The following LGSN variants were observed in gnomAD, a reference collection of about 807,000 sequenced individuals.
LGSN encodes lengsin.
A neutral mutation model predicts 19.5 loss-of-function variants in LGSN; 21 were observed. The observed-to-expected ratio is 1.07, with a 90% confidence interval of 0.76 to 1.55. The LOEUF (loss-of-function observed/expected upper bound fraction) is 1.55. LGSN is among the 40% of genes most tolerant of loss of function. The pLI, the probability that LGSN is intolerant of heterozygous loss-of-function variation, is 0.00. For missense variants in LGSN, 673 were observed against 608.5 expected (o/e 1.11, Z -1.12); for synonymous variants, 257 against 215.6 (o/e 1.19, Z -1.68).
At chr6:63,379,511 T>C in the LGSN span, among the ~76,000 whole-genome samples, 69 of 152,276 alleles carry the variant, frequency 4.5e-4, no homozygotes, top group Admixed American at 2.6e-4. Flanking sequence ...GTTGATGTTG[T>C]TTCTTTCCTT....
At position 63,279,277 on chromosome 6, in the gene LGSN, T is replaced by A. The variant is rs1243705695; in HGVS notation, c.*744A>T. ...CACAAACATCTTTCTATCTATACTTTGTGTATTGAACTTCTATATGAGGCA... is the reference window on the plus strand; with the variant it reads ...CACAAACATCTTTCTATCTATACTTAGTGTATTGAACTTCTATATGAGGCA... On this transcript the variant is annotated 3_prime_UTR_variant, in exon 4 of 4. Coordinates refer to ENST00000370657, the MANE Select transcript of LGSN (RefSeq NM_016571.3). 2 of 152,344 alleles carry A rather than the reference T, an allele frequency of 1.3e-5. No individual in the cohort carries two copies. The highest frequency in any genetic ancestry group is 6.5e-5 in the Admixed American group (1 of 15,290). The allele number at this position is 152,344 out of a possible 1,614,324, so 9.4% of individuals were successfully genotyped here. A position where few individuals can be genotyped will look rare whatever the true frequency, so the allele number is the denominator to read the frequency against.
chr6:63,549,163 C>A, the LGSN span: 228 of 684,642 alleles, frequency 3.3e-4, 1 homozygote, highest in Middle Eastern at 3.9e-3. Flanking sequence ...TTGGCCAGGG[C>A]CAACAGCCTC....
chr6:63,386,707 A>G, the LGSN span, among the ~76,000 whole-genome samples: 1 of 152,228 alleles, frequency 6.6e-6, no homozygotes, highest in East Asian at 1.9e-4. Flanking sequence ...TCCCTGACTC[A>G]ATAAATATTT....
intron 1 of LGSN, among the ~76,000 whole-genome samples, chr6:63,315,247 C>G (rs1241019644): frequency 2.6e-5 from 4 of 152,194 alleles, no homozygotes; most frequent in African/African-American, 9.6e-5. Flanking sequence ...ACTCAGACTT[C>G]TCCTTTATAA....
the LGSN span, among the ~76,000 whole-genome samples, chr6:63,541,725 C>A: frequency 1.3e-5 from 2 of 152,048 alleles, no homozygotes; most frequent in Non-Finnish European, 2.9e-5. Flanking sequence ...CATCCAACTC[C>A]ATTAAAAAAG....
the LGSN span, among the ~76,000 whole-genome samples, chr6:63,338,870 C>A: frequency 6.6e-6 from 1 of 152,070 alleles, no homozygotes. Flanking sequence ...TGTTGTGTCT[C>A]CATTTTAATT....
At chr6:63,414,365 T>C in the LGSN span, among the ~76,000 whole-genome samples, 4 of 152,152 alleles carry the variant, frequency 2.6e-5, no homozygotes, top group Non-Finnish European at 5.9e-5. Flanking sequence ...AAGTATAAAG[T>C]TTCAGTTTTG....
the LGSN span, chr6:63,572,418 T>C: frequency 2.8e-6 from 1 of 350,982 alleles, no homozygotes; most frequent in Non-Finnish European, 5.1e-6. Flanking sequence ...CAGGCCGCGA[T>C]TGGTGGCTGG....
the LGSN span, among the ~76,000 whole-genome samples, chr6:63,354,290 C>CA: frequency 3.3e-5 from 5 of 150,922 alleles, no homozygotes; most frequent in African/African-American, 4.9e-5. Context: ...ACTCAAACAG[C>CA]AAAAAAAATA....
chr6:63,348,158 C>T, the LGSN span, among the ~76,000 whole-genome samples: 14 of 152,132 alleles, frequency 9.2e-5, no homozygotes, highest in Non-Finnish European at 1.9e-4. Context: ...AGACAATGAC[C>T]TTGAAAACTA....
the LGSN span, among the ~76,000 whole-genome samples, chr6:63,347,237 A>C: frequency 2.6e-5 from 4 of 152,166 alleles, no homozygotes; most frequent in African/African-American, 9.7e-5. Context: ...GGCAAATCTT[A>C]CTTCATTATT....
chr6:63,569,722 A>G, the LGSN span, among the ~76,000 whole-genome samples: 1 of 152,218 alleles, frequency 6.6e-6, no homozygotes, highest in Non-Finnish European at 1.5e-5. Flanking sequence ...TTAGCAGGAG[A>G]GAAAATCCTC....
chr6:63,529,152 T>C, the LGSN span, among the ~76,000 whole-genome samples: 7 of 107,148 alleles, frequency 6.5e-5, no homozygotes, highest in African/African-American at 9.4e-5. Flanking sequence ...TATATATGTA[T>C]ATATATGTGT....
the LGSN span, among the ~76,000 whole-genome samples, chr6:63,563,068 G>T: frequency 6.6e-6 from 1 of 152,108 alleles, no homozygotes. Context: ...TGCCTCCACT[G>T]TCCTGATCAT....
chr6:63,398,866 C>A, the LGSN span, among the ~76,000 whole-genome samples: 2 of 152,066 alleles, frequency 1.3e-5, no homozygotes, highest in Non-Finnish European at 2.9e-5. Context: ...TCCTGTTACC[C>A]AGGCTAAAGT....
the LGSN span, among the ~76,000 whole-genome samples, chr6:63,486,459 C>G: frequency 6.6e-6 from 1 of 152,118 alleles, no homozygotes; most frequent in Non-Finnish European, 1.5e-5. Flanking sequence ...TGGATTTGTT[C>G]AGTTTATTCA....
chr6:63,489,742 C>T, the LGSN span, among the ~76,000 whole-genome samples: 1 of 151,544 alleles, frequency 6.6e-6, no homozygotes, highest in Non-Finnish European at 1.5e-5. Flanking sequence ...GAGTCTCACT[C>T]TGCACCCAGG....
At chr6:63,497,862 A>T in the LGSN span, among the ~76,000 whole-genome samples, 1 of 151,380 alleles carries the variant, frequency 6.6e-6, no homozygotes, top group African/African-American at 2.4e-5. Context: ...CCACATATGA[A>T]GTTATCTGAG....
At chr6:63,372,821 C>T in the LGSN span, among the ~76,000 whole-genome samples, 2 of 152,082 alleles carry the variant, frequency 1.3e-5, no homozygotes, top group Admixed American at 1.3e-4. Flanking sequence ...TTTCCTAACA[C>T]TAAGAATATT....
Sources: allele counts gnomAD v4.1 joint callset (sites outside exome capture counted in the v4.1 genomes callset), GRCh38; gene constraint gnomAD v4.1.1; transcripts MANE v1.5; gene names NCBI Gene and HGNC (gene_info 2026-07-23, HGNC 2026-07-21).